DLGAP2: variants seen among roughly 807,000 people sequenced by gnomAD.
The protein encoded by DLGAP2 is DLG associated protein 2.
DLGAP2 carries 26 observed loss-of-function variants against 100.3 expected under a neutral mutation model. The ratio of observed to expected loss-of-function variants is 0.26; its 90% CI spans 0.19 to 0.36. The LOEUF is 0.36. Among genes scored for constraint, DLGAP2 ranks in the 10% least tolerant of loss-of-function variants. The pLI is 1.00. For missense variants in DLGAP2, 1,858 were observed against 1,453.2 expected, an observed-to-expected ratio of 1.28 and a Z score of -4.53; for synonymous variants, 886 against 630.1, an observed-to-expected ratio of 1.41 and a Z score of -6.08.
At chr8:849,452 G>C (rs1797139762) in intron 1 of DLGAP2, among the ~76,000 whole-genome samples, 1 of 152,200 alleles carries the variant, frequency 6.6e-6, no homozygotes, top group Admixed American at 6.5e-5. Context: ...ATTTCACTTG[G>C]GCATTTAGTT....
chr8:859,105 C>T (rs954928384), intron 1 of DLGAP2, among the ~76,000 whole-genome samples: 2 of 140,672 alleles, frequency 1.4e-5, no homozygotes, highest in African/African-American at 5.1e-5. Flanking sequence ...CCAGCCCCAC[C>T]TTAGTCTTCT....
intron 6 of DLGAP2, among the ~76,000 whole-genome samples, chr8:1,585,121 A>G (rs1371116325): frequency 6.6e-6 from 1 of 152,122 alleles, no homozygotes; most frequent in Non-Finnish European, 1.5e-5. Flanking sequence ...GTTTTCATGA[A>G]GACCTTAGTT....
At chr8:1,361,088 G>A (rs1801972939) in intron 3 of DLGAP2, among the ~76,000 whole-genome samples, 2 of 152,206 alleles carry the variant, frequency 1.3e-5, no homozygotes, top group African/African-American at 4.8e-5. Context: ...CCAGCCCCAG[G>A]CTGTTCACAG....
intron 2 of DLGAP2, among the ~76,000 whole-genome samples, chr8:1,010,493 A>G (rs1305709535): frequency 6.6e-6 from 1 of 152,220 alleles, no homozygotes; most frequent in Non-Finnish European, 1.5e-5. Flanking sequence ...AATACTACAC[A>G]TTACCCACAT....
intron 1 of DLGAP2, among the ~76,000 whole-genome samples, chr8:905,474 A>G (rs1056726224): frequency 6.6e-6 from 1 of 152,094 alleles, no homozygotes; most frequent in Non-Finnish European, 1.5e-5. Flanking sequence ...CCTTTTTCAA[A>G]TCGAACAGAG....
Position 1,594,145 on chromosome 8 carries a change from G to A in DLGAP2, c.1442+28251G>A, listed in dbSNP as rs189927488. 5.6e-3 allele frequency among the ~76,000 whole-genome samples: 848 copies of A among 152,244 alleles called. 26 individuals carry two copies. The highest frequency in any genetic ancestry group is 0.051 in the Admixed American group (773 of 15,278). ...CAGAATCTCTGAATGATTGGTGGGG[G>A]TCTTCTCATGTATAAGACAAGGTCA... On this transcript the variant is annotated intron_variant, in intron 6 of 14. Transcript: ENST00000637795.
chr8:788,171 T>C (rs1269548623), intron 1 of DLGAP2, among the ~76,000 whole-genome samples: 1 of 152,246 alleles, frequency 6.6e-6, no homozygotes, highest in Non-Finnish European at 1.5e-5. Context: ...GGGTGAAGGA[T>C]GAAGCTGGTA....
intron 3 of DLGAP2, among the ~76,000 whole-genome samples, chr8:1,457,288 A>T (rs1180525855): frequency 2.0e-5 from 3 of 152,098 alleles, no homozygotes. Context: ...GACGTGTTCG[A>T]TGGCTGGCAA....
chr8:1,165,614 G>A (rs1208199285), intron 2 of DLGAP2, among the ~76,000 whole-genome samples: 1 of 152,222 alleles, frequency 6.6e-6, no homozygotes, highest in Non-Finnish European at 1.5e-5. Flanking sequence ...GTGAAATTGT[G>A]CAGTCGCTGC....
intron 3 of DLGAP2, among the ~76,000 whole-genome samples, chr8:1,324,256 T>A (rs1800971347): frequency 6.6e-6 from 1 of 152,240 alleles, no homozygotes; most frequent in Admixed American, 6.5e-5. Context: ...GAATGGTGTT[T>A]GTAATTCAAT....
At chr8:858,058 TG>T (rs2128989148) in intron 1 of DLGAP2, among the ~76,000 whole-genome samples, 1 of 152,272 alleles carries the variant, frequency 6.6e-6, no homozygotes, top group African/African-American at 2.4e-5. Context: ...GGTTTCACCG[TG>T]TTGGCCAGGC....
intron 6 of DLGAP2, among the ~76,000 whole-genome samples, chr8:1,591,121 C>T (rs1796276905): frequency 6.6e-6 from 1 of 152,232 alleles, no homozygotes; most frequent in Non-Finnish European, 1.5e-5. Flanking sequence ...AGGTGCAGCC[C>T]ATGAAGACAC....
At chr8:1,222,179 T>C (rs917951692) in intron 2 of DLGAP2, among the ~76,000 whole-genome samples, 1 of 152,220 alleles carries the variant, frequency 6.6e-6, no homozygotes, top group Non-Finnish European at 1.5e-5. Flanking sequence ...ACCAGAGTTG[T>C]TGTGCTGGTT....
intron 2 of DLGAP2, among the ~76,000 whole-genome samples, chr8:1,142,677 T>C (rs1372155185): frequency 2.0e-5 from 3 of 151,954 alleles, no homozygotes; most frequent in African/African-American, 7.2e-5. Flanking sequence ...CCGTTGGCCG[T>C]TGGAACGGCT....
chr8:920,362 C>G (rs1798682766), intron 2 of DLGAP2, among the ~76,000 whole-genome samples: 1 of 152,248 alleles, frequency 6.6e-6, no homozygotes, highest in African/African-American at 2.4e-5. Context: ...CCCCCAAATC[C>G]ACATTCCCAG....
At chr8:1,553,384 C>A in intron 5 of DLGAP2, among the ~76,000 whole-genome samples, 1 of 151,174 alleles carries the variant, frequency 6.6e-6, no homozygotes, top group Non-Finnish European at 1.5e-5. Context: ...CAGTTTTATT[C>A]GGCATGTTCA....
chr8:917,828 C>G (rs950695658), intron 2 of DLGAP2, among the ~76,000 whole-genome samples: 3 of 152,148 alleles, frequency 2.0e-5, no homozygotes, highest in African/African-American at 7.2e-5. Context: ...ATCCGCCTGC[C>G]TCGGCCTCCT....
At chr8:1,348,193 C>T (rs112155183) in intron 3 of DLGAP2, among the ~76,000 whole-genome samples, 19,058 of 144,884 alleles carry the variant, frequency 0.13, 679 homozygotes, top group East Asian at 0.24. Flanking sequence ...GTTGAGTTTC[C>T]ACATAGAGCT....
At chr8:1,329,051 C>CT (rs1801088944) in intron 3 of DLGAP2, among the ~76,000 whole-genome samples, 1 of 152,212 alleles carries the variant, frequency 6.6e-6, no homozygotes, top group Non-Finnish European at 1.5e-5. Context: ...CTCGTGATGA[C>CT]TTGGCTAAAC....
Sources: gnomAD v4.1 joint callset for allele counts (sites outside exome capture counted in the v4.1 genomes callset) on GRCh38, gnomAD v4.1.1 for gene constraint, MANE v1.5 for transcripts, NCBI Gene and HGNC (gene_info 2026-07-23, HGNC 2026-07-21) for gene names.